Variants in BRD4 observed in about 807,000 individuals in gnomAD.
BRD4 encodes bromodomain containing 4.
A neutral mutation model predicts 142.1 loss-of-function variants in BRD4; 16 were observed. The ratio of observed to expected loss-of-function variants is 0.11; its 90% CI spans 0.08 to 0.17. The LOEUF (loss-of-function observed/expected upper bound fraction) is 0.17. BRD4 is among the 10% of genes least tolerant of loss of function. The probability of loss-of-function intolerance (pLI) is 1.00; values close to 1 mark genes in which losing one functional copy is unlikely to be tolerated. For synonymous variants in BRD4, 833 were observed against 707.5 expected, an observed-to-expected ratio of 1.18 and a Z score of -2.82; for missense variants, 1,424 against 1,810.9, an observed-to-expected ratio of 0.79 and a Z score of 3.88.
In BRD4 at chr19:15,264,551, C is replaced by G; in HGVS notation, c.1065G>C (p.Lys355Asn). 1 of 1,614,232 alleles carries G rather than the reference C, an allele frequency of 6.2e-7. No homozygotes were observed. The highest frequency in any genetic ancestry group is 8.5e-7 in the Non-Finnish European group (1 of 1,180,054). ...TCTCCTTGAGGATGCCGCTGCAGCA[C>G]TTGAGCTGCTCCGAGACCTTGCTGC... ...EKSSKVSEQL[K>N]CCSGILKEMF... Residue 355 changes from lysine to asparagine, a missense_variant, in exon 6 of 20, where the codon AAG becomes AAC. This residue lies in a region of BRD4 where 86 missense variants were observed against 79.9 expected (regional missense o/e 1.08). Transcript: ENST00000679869.
At chr19:15,304,817 C>A (rs2047899989) in intron 1 of BRD4, among the ~76,000 whole-genome samples, 1 of 152,044 alleles carries the variant, frequency 6.6e-6, no homozygotes, top group South Asian at 2.1e-4. Context: ...GAGAAGAAAT[C>A]GGTAATTCAT....
At chr19:15,291,416 TAAC>T (rs2047781030) in intron 1 of BRD4, among the ~76,000 whole-genome samples, 1 of 151,956 alleles carries the variant, frequency 6.6e-6, no homozygotes, top group African/African-American at 2.4e-5. Flanking sequence ...AGAATGAAAA[TAAC>T]AACTAAAATT....
At chr19:15,253,453 C>T in intron 11 of BRD4, 1 of 1,188,408 alleles carries the variant, frequency 8.4e-7, no homozygotes. Context: ...AATGGGGAAC[C>T]CAGGGTCCAA....
At chr19:15,316,454 G>A (rs937994226) in intron 1 of BRD4, among the ~76,000 whole-genome samples, 9 of 151,972 alleles carry the variant, frequency 5.9e-5, no homozygotes, top group Non-Finnish European at 1.2e-4. Context: ...AGTCGGGCAT[G>A]GTGGCGCATG....
At chr19:15,313,369 T>C (rs1156404266) in intron 1 of BRD4, among the ~76,000 whole-genome samples, 1 of 91,160 alleles carries the variant, frequency 1.1e-5, no homozygotes, top group Non-Finnish European at 2.0e-5. Flanking sequence ...CAAGACTCCA[T>C]CTTTAAAAAA....
chr19:15,332,283 TC>T lies in BRD4; in HGVS notation c.-35+6del, dbSNP rs1408122423. On this transcript the variant is annotated splice_donor_region_variant and intron_variant, in intron 1 of 19. Transcript: ENST00000679869. ...CGTCCGCCGCCCCAAAGGGCACCAG[TC>T]CTCACCTGAGACGCTAGGCCGCACG... 1 of 144,998 alleles carries T rather than the reference TC, an allele frequency of 6.9e-6. No individual in the cohort carries two copies. The allele number at this position is 144,998 out of a possible 1,614,324, so 9.0% of individuals were successfully genotyped here.
Position 15,257,009 on chromosome 19 carries a change from G to A in BRD4, c.1506C>T (p.Asp502=), listed in dbSNP as rs747910769. The stretch of plus-strand genomic sequence containing the variant: ...GCCGCTGGGCTCGCTCCTCCTCAGA[G>A]TCATCAGTCGAACTGTCACTGTCCG... ...SSSDSDSSTD[D]SEEERAQRLA... is the part of the protein sequence containing the mutation. Residue 502 remains aspartate (D), a synonymous_variant, in exon 8 of 20, where the codon GAC becomes GAT. Transcript: ENST00000679869. The A allele has an allele frequency of 2.5e-6, 4 of 1,591,358 alleles. No individual in the cohort carries two copies. Among genetic ancestry groups the A allele is most frequent in the South Asian group, 2.3e-5 (2 of 87,196 alleles).
Position 15,237,255 on chromosome 19 carries a change from G to GC in BRD4, c.*1121_*1122insG, listed in dbSNP as rs1311764353. 1 of 112,684 alleles carries GC rather than the reference G, an allele frequency of 8.9e-6. No homozygotes were observed. The allele number at this position is 112,684 out of a possible 1,614,324, so 7.0% of individuals were successfully genotyped here. ...AAGCCAACAAATGGGTGGGGGGGGGGGGGGTGGAGGGGAAAGAAAAGAAAT... is the reference window on the plus strand; with the variant it reads ...AAGCCAACAAATGGGTGGGGGGGGGGCGGGGTGGAGGGGAAAGAAAAGAAAT... On this transcript the variant is annotated 3_prime_UTR_variant, in exon 20 of 20. Coordinates refer to ENST00000679869, the MANE Select transcript of BRD4 (RefSeq NM_001379291.1).
intron 2 of BRD4, among the ~76,000 whole-genome samples, chr19:15,269,912 G>C (rs2047569272): frequency 6.6e-6 from 1 of 152,194 alleles, no homozygotes; most frequent in African/African-American, 2.4e-5. Context: ...ACCACAGAAG[G>C]AATGTGCGGA....
chr19:15,316,347 G>A (rs998975591), intron 1 of BRD4, among the ~76,000 whole-genome samples: 8 of 151,952 alleles, frequency 5.3e-5, no homozygotes, highest in African/African-American at 1.9e-4. Flanking sequence ...ATAAATGGAA[G>A]TGAAGGCCCG....
At chr19:15,308,969 T>C (rs1177398549) in intron 1 of BRD4, among the ~76,000 whole-genome samples, 1 of 150,716 alleles carries the variant, frequency 6.6e-6, no homozygotes, top group Admixed American at 6.6e-5. Flanking sequence ...GAGCCAAGAT[T>C]GCACCACTGC....
In BRD4 at chr19:15,239,566, G is replaced by A; in HGVS notation, c.3446-44C>T. 1 of 1,577,144 alleles carries A rather than the reference G, an allele frequency of 6.3e-7. No homozygotes were observed. Among genetic ancestry groups the A allele is most frequent in the Non-Finnish European group, 8.6e-7 (1 of 1,166,030 alleles). On this transcript the variant is annotated intron_variant, in intron 16 of 19. Coordinates refer to ENST00000679869, the MANE Select transcript of BRD4 (RefSeq NM_001379291.1). This position sits in a 1 kb window ranked among gnomAD's most constrained non-coding sequence, Gnocchi z 7.4. ...GTGGGCCCTGGCCCACCTCACCCCA[G>A]TGGGGCATGGTCCACCAGCCCCACA... is the stretch of plus-strand genomic sequence containing the variant.
At chr19:15,330,271 T>G (rs1276490272) in intron 1 of BRD4, among the ~76,000 whole-genome samples, 2 of 152,166 alleles carry the variant, frequency 1.3e-5, no homozygotes, top group Non-Finnish European at 2.9e-5. Context: ...AGAGGTATGG[T>G]GGATAACAGA....
chr19:15,259,575 G>A (rs1016561039), intron 7 of BRD4, among the ~76,000 whole-genome samples: 6 of 152,232 alleles, frequency 3.9e-5, no homozygotes, highest in African/African-American at 9.6e-5. Context: ...GCTTCCTGGC[G>A]TGTCCAGTTG....
At chr19:15,306,596 A>G (rs778166974) in intron 1 of BRD4, among the ~76,000 whole-genome samples, 4 of 152,152 alleles carry the variant, frequency 2.6e-5, no homozygotes, top group Non-Finnish European at 1.5e-5. Flanking sequence ...ACTTGGTGTG[A>G]GAGACGCGAG....
At chr19:15,257,875 C>G (rs1367270893) in intron 7 of BRD4, among the ~76,000 whole-genome samples, 1 of 152,140 alleles carries the variant, frequency 6.6e-6, no homozygotes, top group Non-Finnish European at 1.5e-5. Flanking sequence ...GCAGGAGACC[C>G]TAAGACCTTT....
chr19:15,300,119 C>T (rs2047855342), intron 1 of BRD4, among the ~76,000 whole-genome samples: 1 of 152,084 alleles, frequency 6.6e-6, no homozygotes, highest in Non-Finnish European at 1.5e-5. Flanking sequence ...GTGGTGTGTG[C>T]CTGTAGTTCC....
In BRD4 at chr19:15,236,403, T is replaced by C. The variant is rs2047192204; in HGVS notation, c.*1974A>G. 2 of 151,976 alleles carry C rather than the reference T, an allele frequency of 1.3e-5. No homozygotes were observed. The highest frequency in any genetic ancestry group is 1.5e-5 in the Non-Finnish European group (1 of 68,022). The allele number at this position is 151,976 out of a possible 1,614,324, so 9.4% of individuals were successfully genotyped here. The stretch of plus-strand genomic sequence containing the variant: ...GATCCTATTTTGGGGGATGTAGACT[T>C]ATATCTAAGAGTATCTGGTTAACCC... On this transcript the variant is annotated 3_prime_UTR_variant, in exon 20 of 20. Transcript: ENST00000679869.
At position 15,302,932 on chromosome 19, in the gene BRD4, C is replaced by A. The variant is rs570310089; in HGVS notation, c.-35+29358G>T. On this transcript the variant is annotated intron_variant, in intron 1 of 19. Transcript: ENST00000679869. Reference sequence around the variant, plus strand: ...CCGAGGCAGGAGAATGGCGTGAACCCGGGAGGCGGAGCTTGCAGTGAGCCG... The same window carrying A: ...CCGAGGCAGGAGAATGGCGTGAACCAGGGAGGCGGAGCTTGCAGTGAGCCG... Among the ~76,000 whole-genome samples the A allele has an allele frequency of 3.4e-3, 498 of 146,846 alleles. 1 individual carries two copies. The highest frequency in any genetic ancestry group is 6.0e-3 in the Non-Finnish European group (405 of 67,374).
Sources: gnomAD v4.1 joint callset for allele counts (sites outside exome capture counted in the v4.1 genomes callset) on GRCh38, gnomAD v4.1.1 for gene constraint, gnomAD v4.1.1 regional missense constraint, Gnocchi (gnomAD v3.1) non-coding constraint, MANE v1.5 for transcripts, NCBI Gene and HGNC (gene_info 2026-07-23, HGNC 2026-07-21) for gene names.